Variants in NUP93 observed in about 807,000 individuals in gnomAD.
The protein encoded by NUP93 is nuclear pore complex protein Nup93.
NUP93 carries 55 observed loss-of-function variants against 107.8 expected under a neutral mutation model. That is an observed-to-expected ratio of 0.51 (90% CI 0.41 to 0.64). NUP93 has a LOEUF of 0.64. NUP93 is among the 30% of genes least tolerant of loss of function. NUP93 has a pLI of 0.00. For synonymous variants in NUP93, 390 were observed against 397.5 expected (o/e 0.98, Z 0.22); for missense variants, 937 against 1,044.7 (o/e 0.90, Z 1.42).
chr16:56,809,499 T>G (rs2144585703), intron 5 of NUP93, among the ~76,000 whole-genome samples: 1 of 152,314 alleles, frequency 6.6e-6, no homozygotes, highest in African/African-American at 2.4e-5. Flanking sequence ...GGTAATATCA[T>G]CAGTGCTTCC....
intron 9 of NUP93, 65 bp downstream of exon 9, chr16:56,829,174 T>G: frequency 6.4e-7 from 1 of 1,554,638 alleles, no homozygotes; most frequent in Non-Finnish European, 8.7e-7. Context: ...GATGGGCATT[T>G]TCAGTTAAAA....
intron 5 of NUP93, among the ~76,000 whole-genome samples, chr16:56,814,593 C>A (rs1963382277): frequency 6.6e-6 from 1 of 152,276 alleles, no homozygotes; most frequent in African/African-American, 2.4e-5. Flanking sequence ...TACAAGTTTG[C>A]GGTTCCCTCC....
chr16:56,815,657 G>A (rs1280448373), intron 5 of NUP93, among the ~76,000 whole-genome samples: 21 of 152,130 alleles, frequency 1.4e-4, no homozygotes, highest in African/African-American at 4.8e-4. Context: ...ACACTGTGTT[G>A]AAGTCTTCCA....
chr16:56,826,391 C>T lies in NUP93; in HGVS notation c.794+2545C>T, dbSNP rs140775087. On this transcript the variant is annotated intron_variant, in intron 8 of 21. Coordinates refer to ENST00000308159, the MANE Select transcript of NUP93 (RefSeq NM_014669.5). Reference sequence around the variant, plus strand: ...GCTGGGTGTGGTGGTGTGCACCTGGCGCAAGTCCCAGCTACTTGGGAGACT... The same window carrying T: ...GCTGGGTGTGGTGGTGTGCACCTGGTGCAAGTCCCAGCTACTTGGGAGACT... Among the ~76,000 whole-genome samples the T allele has an allele frequency of 3.6e-3, 551 of 151,790 alleles. 2 individuals carry two copies. Among genetic ancestry groups the T allele is most frequent in the African/African-American group, 0.011 (443 of 41,388 alleles).
chr16:56,731,018 C>T (rs1961525597), intron 1 of NUP93, among the ~76,000 whole-genome samples: 1 of 152,054 alleles, frequency 6.6e-6, no homozygotes, highest in Non-Finnish European at 1.5e-5. Flanking sequence ...GGAGGGTATC[C>T]TCGGTCATCC....
Position 56,834,214 on chromosome 16 carries a change from A to G in NUP93, c.1624A>G (p.Thr542Ala), listed in dbSNP as rs777922313. The G allele has an allele frequency of 3.7e-6, 6 of 1,614,040 alleles. No homozygotes were observed. The Admixed American group carries it at 5.0e-5, about 13-fold the overall frequency. The change falls in exon 14 of 22, where the codon ACG becomes GCG. Residue 542 changes from threonine (T) to alanine (A), a missense_variant. Physicochemically the swap from Thr to Ala is moderately conservative, Grantham distance 58. Coordinates refer to ENST00000308159, the MANE Select transcript of NUP93 (RefSeq NM_014669.5). ...LMLYTRKFES[T>A]DPREALQYFY... ...GCTGTACACCCGGAAGTTTGAGTCC[A>G]CGGACCCAAGGGAGGCCCTCCAGTA...
intron 1 of NUP93, among the ~76,000 whole-genome samples, chr16:56,731,792 C>T (rs1178812015): frequency 6.6e-6 from 1 of 152,156 alleles, no homozygotes; most frequent in African/African-American, 2.4e-5. Flanking sequence ...AATAGTTTCC[C>T]ATTTGGTCTT....
At chr16:56,733,940 A>G (rs1480201695) in intron 1 of NUP93, among the ~76,000 whole-genome samples, 2 of 152,202 alleles carry the variant, frequency 1.3e-5, no homozygotes, top group Non-Finnish European at 2.9e-5. Flanking sequence ...AAAAATTCCT[A>G]CATTGATCTG....
In NUP93 at chr16:56,763,620, C is replaced by A. The variant is rs1962168088; in HGVS notation, c.297+4965C>A. ...TTCACTTGTCCTGGAACATCCAAGC[C>A]CTAATTTCAGTCTAAGACCCTAAGG... is the stretch of plus-strand genomic sequence containing the variant. On this transcript the variant is annotated intron_variant, in intron 3 of 21. Coordinates refer to ENST00000308159, the MANE Select transcript of NUP93 (RefSeq NM_014669.5). Among the ~76,000 whole-genome samples, 8 of 151,862 alleles carry A rather than the reference C, an allele frequency of 5.3e-5. No homozygotes were observed. The South Asian group carries it at 1.7e-3, about 32-fold the overall frequency.
At chr16:56,756,188 A>G (rs1962015393) in intron 2 of NUP93, among the ~76,000 whole-genome samples, 1 of 151,648 alleles carries the variant, frequency 6.6e-6, no homozygotes, top group Admixed American at 6.6e-5. Flanking sequence ...CGGGTTTGTT[A>G]CATAGATATA....
intron 6 of NUP93, among the ~76,000 whole-genome samples, chr16:56,819,667 G>A (rs1262987914): frequency 6.6e-6 from 1 of 152,218 alleles, no homozygotes; most frequent in African/African-American, 2.4e-5. Flanking sequence ...GTTAGACCCT[G>A]TGCTCTTTAA....
chr16:56,815,878 C>CTGCTGCTGCTGCTGCTGCTGCTGG (rs1567402547), intron 5 of NUP93, among the ~76,000 whole-genome samples: 6 of 131,708 alleles, frequency 4.6e-5, no homozygotes, highest in African/African-American at 1.8e-4. Flanking sequence ...GCTGCTGCTG[C>CTGCTGCTGCTGCTGCTGCTGCTGG]TGCTGCTGCT....
chr16:56,785,429 G>A (rs1962605095), intron 3 of NUP93, among the ~76,000 whole-genome samples: 1 of 152,038 alleles, frequency 6.6e-6, no homozygotes, highest in African/African-American at 2.4e-5. Flanking sequence ...TACTTGTAGG[G>A]GATTCCTGAA....
chr16:56,825,679 T>C (rs1963643621), intron 8 of NUP93, among the ~76,000 whole-genome samples: 1 of 152,162 alleles, frequency 6.6e-6, no homozygotes, highest in Admixed American at 6.5e-5. Flanking sequence ...CTTTTAGTCT[T>C]TTCGTTTAGT....
chr16:56,756,364 A>C (rs550774187), intron 2 of NUP93, among the ~76,000 whole-genome samples: 1 of 122,520 alleles, frequency 8.2e-6, no homozygotes, highest in African/African-American at 3.2e-5. Context: ...TCTCTGTTCA[A>C]CTCGCACTTA....
At chr16:56,734,637 T>C (rs201703679) in intron 1 of NUP93, among the ~76,000 whole-genome samples, 2 of 72,146 alleles carry the variant, frequency 2.8e-5, no homozygotes, top group South Asian at 1.0e-3. Context: ...ATGTGACACA[T>C]GAGAGTGGCT....
intron 8 of NUP93, among the ~76,000 whole-genome samples, chr16:56,827,410 A>C (rs1187318369): frequency 5.9e-5 from 9 of 152,230 alleles, no homozygotes; most frequent in African/African-American, 2.2e-4. Context: ...ACCGTTGAGT[A>C]AAAGATTGTT....
chr16:56,783,897 G>A (rs1381308536), intron 3 of NUP93: 3 of 985,172 alleles, frequency 3.0e-6, no homozygotes, highest in East Asian at 1.1e-4. Flanking sequence ...TACTCATATA[G>A]CAGGGAGAGG....
At chr16:56,768,554 ACT>A (rs1162029040) in intron 3 of NUP93, among the ~76,000 whole-genome samples, 2 of 148,662 alleles carry the variant, frequency 1.3e-5, no homozygotes, top group African/African-American at 5.0e-5. Context: ...CAAAAGCAAA[ACT>A]CTGTCTCAAA....
Sources: gnomAD v4.1 joint callset for allele counts (sites outside exome capture counted in the v4.1 genomes callset) on GRCh38, gnomAD v4.1.1 for gene constraint, MANE v1.5 for transcripts, NCBI Gene and HGNC (gene_info 2026-07-23, HGNC 2026-07-21) for gene names.